The following ST18 variants were observed in gnomAD, a reference collection of about 807,000 sequenced individuals.
The protein encoded by ST18 is suppression of tumorigenicity 18 protein.
Under a neutral mutation model 110.0 loss-of-function variants are expected in ST18, and 50 were observed. That is an observed-to-expected ratio of 0.45 (90% CI 0.36 to 0.58). The LOEUF is 0.58. ST18 is among the 20% of genes least tolerant of loss of function. ST18 has a pLI of 0.00. For synonymous variants in ST18, 461 were observed against 452.4 expected, an observed-to-expected ratio of 1.02 and a Z score of -0.24; for missense variants, 1,306 against 1,280.1, an observed-to-expected ratio of 1.02 and a Z score of -0.31.
chr8:52,392,181 T>C (rs555190447), intron 2 of ST18, among the ~76,000 whole-genome samples: 1 of 152,318 alleles, frequency 6.6e-6, no homozygotes, highest in Admixed American at 6.5e-5. Flanking sequence ...AGAGGATTTA[T>C]GTTGGAATTG....
intron 2 of ST18, among the ~76,000 whole-genome samples, chr8:52,338,671 G>A (rs561447332): frequency 4.6e-5 from 7 of 152,018 alleles, no homozygotes; most frequent in East Asian, 1.9e-4. Flanking sequence ...TGATTTGCCC[G>A]CCTTGGCCTC....
At chr8:52,350,291 G>C (rs893101406) in intron 2 of ST18, among the ~76,000 whole-genome samples, 16 of 152,154 alleles carry the variant, frequency 1.1e-4, no homozygotes, top group African/African-American at 3.6e-4. Flanking sequence ...GGACACAGTG[G>C]ATTAGAGCAC....
chr8:52,215,830 C>T (rs563900581), intron 6 of ST18, among the ~76,000 whole-genome samples: 7 of 152,274 alleles, frequency 4.6e-5, no homozygotes, highest in African/African-American at 1.4e-4. Context: ...TGTGAAATCC[C>T]CCTCCTCCCG....
At chr8:52,270,007 T>C (rs1317381271) in intron 2 of ST18, among the ~76,000 whole-genome samples, 1 of 150,046 alleles carries the variant, frequency 6.7e-6, no homozygotes, top group African/African-American at 2.5e-5. Context: ...CCACATTTTT[T>C]CCCCCGTAAC....
At chr8:52,375,889 C>T (rs1832167001) in intron 2 of ST18, among the ~76,000 whole-genome samples, 1 of 152,152 alleles carries the variant, frequency 6.6e-6, no homozygotes, top group African/African-American at 2.4e-5. Flanking sequence ...TAAGAGAGGC[C>T]ACTTCCTCCC....
chr8:52,385,015 T>C (rs946542240), intron 2 of ST18, among the ~76,000 whole-genome samples: 9 of 152,232 alleles, frequency 5.9e-5, no homozygotes, highest in African/African-American at 1.9e-4. Context: ...GTACCTTACA[T>C]TGACAAGTAC....
chr8:52,151,784 AT>A (rs1250154398), intron 15 of ST18, among the ~76,000 whole-genome samples: 3 of 152,224 alleles, frequency 2.0e-5, no homozygotes, highest in African/African-American at 4.8e-5. Flanking sequence ...TCATAAAAAA[AT>A]AAAAAAAAAC....
intron 6 of ST18, 152 bp from the exon 7 acceptor site, chr8:52,214,409 T>TC (rs1407474807): frequency 6.2e-6 from 4 of 650,266 alleles, no homozygotes; most frequent in African/African-American, 1.8e-5. Flanking sequence ...TAACTGTGAC[T>TC]CCCCCCACAT....
intron 10 of ST18, among the ~76,000 whole-genome samples, chr8:52,168,580 C>A (rs985264944): frequency 6.6e-6 from 1 of 152,012 alleles, no homozygotes; most frequent in African/African-American, 2.4e-5. Context: ...AGTCGTTCTG[C>A]GCTGAGGGTC....
intron 5 of ST18, among the ~76,000 whole-genome samples, chr8:52,218,554 A>ATTTT (rs745791743): frequency 3.0e-5 from 3 of 100,894 alleles, no homozygotes; most frequent in Non-Finnish European, 5.8e-5. Flanking sequence ...TGCCTGGCTA[A>ATTTT]TTTTTTTTTT....
intron 2 of ST18, among the ~76,000 whole-genome samples, chr8:52,322,538 T>C (rs1804423188): frequency 2.6e-5 from 4 of 152,186 alleles, no homozygotes; most frequent in African/African-American, 9.6e-5. Flanking sequence ...ATACATAATG[T>C]GGTTATTTCC....
chr8:52,373,613 A>C (rs531637608), intron 2 of ST18, among the ~76,000 whole-genome samples: 3 of 151,798 alleles, frequency 2.0e-5, no homozygotes, highest in Admixed American at 6.6e-5. Flanking sequence ...CCCCACCCCA[A>C]ACCCTCCTAG....
intron 14 of ST18, among the ~76,000 whole-genome samples, chr8:52,159,924 G>GT (rs2060987348): frequency 6.6e-6 from 1 of 152,094 alleles, no homozygotes; most frequent in Non-Finnish European, 1.5e-5. Context: ...AAGATTTAAT[G>GT]TGAGCTAATA....
At chr8:52,311,041 C>T (rs915996094) in intron 2 of ST18, among the ~76,000 whole-genome samples, 2 of 152,150 alleles carry the variant, frequency 1.3e-5, no homozygotes, top group African/African-American at 4.8e-5. Flanking sequence ...CACATGGAAA[C>T]GAACTAAAGA....
intron 2 of ST18, among the ~76,000 whole-genome samples, chr8:52,279,301 C>T (rs1391434028): frequency 6.6e-6 from 1 of 152,018 alleles, no homozygotes; most frequent in Non-Finnish European, 1.5e-5. Flanking sequence ...GGTATGTGTA[C>T]CTAACAGCGG....
At chr8:52,145,657 G>T (rs1021798232) in intron 16 of ST18, among the ~76,000 whole-genome samples, 1 of 152,128 alleles carries the variant, frequency 6.6e-6, no homozygotes, top group African/African-American at 2.4e-5. Flanking sequence ...TTTATTTTGT[G>T]GTTGTGTAAA....
At chr8:52,390,111 G>A (rs1564640220) in intron 2 of ST18, among the ~76,000 whole-genome samples, 1 of 152,130 alleles carries the variant, frequency 6.6e-6, no homozygotes, top group African/African-American at 2.4e-5. Context: ...AGACAGGGCC[G>A]TTTCCCATGC....
At chr8:52,181,566 G>A (rs1309429617) in intron 8 of ST18, among the ~76,000 whole-genome samples, 1 of 152,184 alleles carries the variant, frequency 6.6e-6, no homozygotes, top group East Asian at 1.9e-4. Context: ...CACCCTGATA[G>A]GTAATAGGTA....
At position 52,187,830 on chromosome 8, in the gene ST18, A is replaced by G. The variant is rs985688768; in HGVS notation, c.87-7518T>C. On this transcript the variant is annotated intron_variant, in intron 8 of 25. Transcript: ENST00000689386. ...AAATTAAAGAACCATGTCTGAGTTA[A>G]TTTGCATTTCTATACCACATTTCTA... is the stretch of plus-strand genomic sequence containing the variant. Among the ~76,000 whole-genome samples, 8 of 152,200 alleles carry G rather than the reference A, an allele frequency of 5.3e-5. 1 individual carries two copies. The highest frequency in any genetic ancestry group is 1.9e-4 in the African/African-American group (8 of 41,452).
Sources: allele counts gnomAD v4.1 joint callset (sites outside exome capture counted in the v4.1 genomes callset), GRCh38; gene constraint gnomAD v4.1.1; transcripts MANE v1.5; gene names NCBI Gene and HGNC (gene_info 2026-07-23, HGNC 2026-07-21).